RFXAP: variants seen among roughly 807,000 people sequenced by gnomAD.
The protein encoded by RFXAP is regulatory factor X-associated protein.
A neutral mutation model predicts 25.7 loss-of-function variants in RFXAP; 21 were observed. That is an observed-to-expected ratio of 0.82 (90% CI 0.58 to 1.18). RFXAP has a LOEUF of 1.18. Ranked by LOEUF, RFXAP falls within the 50% of genes most tolerant of loss-of-function variation. The probability of loss-of-function intolerance (pLI) is 0.00; values close to 1 mark genes in which losing one functional copy is unlikely to be tolerated. For synonymous variants in RFXAP, 161 were observed against 152.2 expected (o/e 1.06, Z -0.43); for missense variants, 333 against 363.0 (o/e 0.92, Z 0.67).
intron 1 of RFXAP, among the ~76,000 whole-genome samples, chr13:36,821,089 A>T (rs1008407708): frequency 6.6e-6 from 1 of 151,830 alleles, no homozygotes; most frequent in Non-Finnish European, 1.5e-5. Context: ...AAGTGCCTGT[A>T]TACCCAGCTG....
chr13:36,822,121 C>T (rs1342171315), intron 1 of RFXAP, among the ~76,000 whole-genome samples: 1 of 150,552 alleles, frequency 6.6e-6, no homozygotes, highest in African/African-American at 2.5e-5. Flanking sequence ...CAGAGTCTTA[C>T]TCTGTGTCGC....
At chr13:36,821,998 G>C (rs954193973) in intron 1 of RFXAP, among the ~76,000 whole-genome samples, 1 of 152,154 alleles carries the variant, frequency 6.6e-6, no homozygotes, top group South Asian at 2.1e-4. Context: ...ATGAAAGTTA[G>C]TAAAGGTGAT....
intron 1 of RFXAP, among the ~76,000 whole-genome samples, chr13:36,821,233 AAAAAAAAAAT>A (rs2057961122): frequency 6.8e-6 from 1 of 148,012 alleles, no homozygotes; most frequent in East Asian, 2.3e-4. Context: ...AAAAAAAAAA[AAAAAAAAAAT>A]TTTTTTTAAC....
intron 2 of RFXAP, 52 bp from the exon 3 acceptor site, chr13:36,827,591 G>A (rs1028236523): frequency 3.4e-5 from 43 of 1,263,544 alleles, no homozygotes; most frequent in Non-Finnish European, 4.6e-5. Context: ...CATGAAAACA[G>A]TCTAATGACA....
rs2057953638 is a variant in RFXAP, at chr13:36,819,420, C to G, written c.63C>G (p.Pro21=). The G allele has an allele frequency of 7.4e-7, 1 of 1,344,678 alleles. No individual in the cohort carries two copies. The highest frequency in any genetic ancestry group is 9.5e-7 in the Non-Finnish European group (1 of 1,053,920). 83.3% of individuals were successfully genotyped at this position (1,344,678 alleles called of 1,614,324 possible). Residue 21 remains proline, a synonymous_variant, in exon 1 of 3, where the codon CCC becomes CCG. Transcript: ENST00000255476. ...GCGCCGCCAGCGGCGTGCCCCACCC[C>G]GCGGCCCTAGCCCCGGCTGCGGCTC... ...GPGAASGVPH[P]AALAPAAAPT...
In RFXAP at chr13:36,819,559, G is replaced by C. The variant is rs1167386364; in HGVS notation, c.202G>C (p.Gly68Arg). 6.6e-7 allele frequency: 1 copy of C among 1,525,100 alleles called. No individual in the cohort carries two copies. Among genetic ancestry groups the C allele is most frequent in the Non-Finnish European group, 8.8e-7 (1 of 1,133,922 alleles). The allele number at this position is 1,525,100 out of a possible 1,614,324, so 94.5% of individuals were successfully genotyped here. ...AAAPGGSVGA[G>R]KPVRYLCEGA... The stretch of plus-strand genomic sequence containing the variant: ...GGCCCCCGGGGGCAGCGTTGGGGCG[G>C]GCAAGCCCGTTAGGTACCTGTGCGA... The change falls in exon 1 of 3, where the codon GGC becomes CGC. Residue 68 changes from glycine to arginine, a missense_variant. Gly to Arg is a moderately radical substitution (Grantham distance 125). Coordinates refer to ENST00000255476, the MANE Select transcript of RFXAP (RefSeq NM_000538.4).
intron 1 of RFXAP, among the ~76,000 whole-genome samples, chr13:36,822,018 T>G (rs1262022066): frequency 4.6e-5 from 7 of 152,176 alleles, no homozygotes; most frequent in Non-Finnish European, 7.4e-5. Flanking sequence ...TCAAGTTTCT[T>G]CCTCAGTATG....
intron 2 of RFXAP, 100 bp downstream of exon 2, chr13:36,825,635 C>T: frequency 1.4e-6 from 1 of 721,460 alleles, no homozygotes; most frequent in Non-Finnish European, 2.3e-6. Flanking sequence ...TGACATCACA[C>T]TATACATCAA....
chr13:36,825,290 CT>C, intron 1 of RFXAP, 137 bp from the exon 2 acceptor site: 1 of 650,894 alleles, frequency 1.5e-6, no homozygotes, highest in East Asian at 2.9e-5. Context: ...TAATGAAGAA[CT>C]TTCCCAGAGT....
chr13:36,826,963 C>T (rs573730529), intron 2 of RFXAP, among the ~76,000 whole-genome samples: 1 of 152,126 alleles, frequency 6.6e-6, no homozygotes, highest in South Asian at 2.1e-4. Context: ...TGCACTCCAG[C>T]GTGGGGAACA....
rs1566318848 is a variant in RFXAP at position 36,819,627 on chromosome 13, G to T, written c.270G>T (p.Ala90=). The T allele has an allele frequency of 1.3e-6, 2 of 1,543,426 alleles. No individual in the cohort carries two copies. Among genetic ancestry groups the T allele is most frequent in the Non-Finnish European group, 8.8e-7 (1 of 1,141,416 alleles). ...DGEEEAGEDE[A]DLLDTSDPPG... is the part of the protein sequence containing the mutation. ...AAGAGGAGGCTGGGGAGGACGAGGC[G>T]GACCTGTTAGACACTTCGGACCCTC... The change falls in exon 1 of 3, where the codon GCG becomes GCT. Residue 90 remains alanine, a synonymous_variant. Coordinates refer to ENST00000255476, the MANE Select transcript of RFXAP (RefSeq NM_000538.4).
In RFXAP at chr13:36,819,917, GGACTGCCTC is replaced by G. The variant is rs2057956556; in HGVS notation, c.566_574del (p.Ala189_Thr191del). ...AGCGACCAGGCCCTGAACTGCGGTGGGACTGCCTCGACTGGCAGCGCGGGAAACGTCAAA... is the reference window on the plus strand; with the variant it reads ...AGCGACCAGGCCCTGAACTGCGGTGGGACTGGCAGCGCGGGAAACGTCAAA... On this transcript the variant is annotated inframe_deletion, in exon 1 of 3. Transcript: ENST00000255476. The G allele has an allele frequency of 6.2e-7, 1 of 1,613,712 alleles. No individual in the cohort carries two copies. The highest frequency in any genetic ancestry group is 1.3e-5 in the African/African-American group (1 of 74,914).
intron 2 of RFXAP, 90 bp from the exon 3 acceptor site, chr13:36,827,553 A>T: frequency 1.1e-6 from 1 of 909,952 alleles, no homozygotes; most frequent in Non-Finnish European, 1.8e-6. Context: ...ATATTGTATC[A>T]TATGTAGGGA....
intron 1 of RFXAP, among the ~76,000 whole-genome samples, chr13:36,821,462 A>G (rs1354129680): frequency 6.6e-6 from 1 of 151,880 alleles, no homozygotes; most frequent in Non-Finnish European, 1.5e-5. Flanking sequence ...GAAGTTTGAG[A>G]CCAGCCTGGG....
chr13:36,821,862 A>T (rs2057963841), intron 1 of RFXAP, among the ~76,000 whole-genome samples: 1 of 152,110 alleles, frequency 6.6e-6, no homozygotes, highest in Non-Finnish European at 1.5e-5. Flanking sequence ...TTAATTTTGC[A>T]TACTAATTAA....
chr13:36,819,371 G>A lies in RFXAP; in HGVS notation c.14G>A (p.Gly5Asp). The part of the protein sequence containing the change: MEAQ[G>D]VAEGAGPGAA... ...GGTCTTAGCAGCATGGAGGCGCAGG[G>A]TGTAGCGGAGGGCGCGGGGCCGGGC... The change falls in exon 1 of 3, where the codon GGT becomes GAT. Residue 5 changes from glycine (G) to aspartate (D), a missense_variant. Coordinates refer to ENST00000255476, the MANE Select transcript of RFXAP (RefSeq NM_000538.4). 1 of 1,295,250 alleles carries A rather than the reference G, an allele frequency of 7.7e-7. No homozygotes were observed. The highest frequency in any genetic ancestry group is 9.8e-7 in the Non-Finnish European group (1 of 1,024,898). The allele number at this position is 1,295,250 out of a possible 1,614,324, so 80.2% of individuals were successfully genotyped here.
At position 36,827,825 on chromosome 13, in the gene RFXAP, A is replaced by G. The variant is rs1286048860; in HGVS notation, c.*72A>G. 4 of 1,152,296 alleles carry G rather than the reference A, an allele frequency of 3.5e-6. No homozygotes were observed. The highest frequency in any genetic ancestry group is 5.2e-6 in the Non-Finnish European group (4 of 768,258). 71.4% of individuals were successfully genotyped at this position (1,152,296 alleles called of 1,614,324 possible). On this transcript the variant is annotated 3_prime_UTR_variant, in exon 3 of 3. Transcript: ENST00000255476. ...AGATGAGCATATTTTTTTACCAGAC[A>G]TAAATGGGGTAATAATCTATGCCTG...
Position 36,828,137 on chromosome 13 carries a change from GA to G in RFXAP, c.*385del, listed in dbSNP as rs370063029. On this transcript the variant is annotated 3_prime_UTR_variant, in exon 3 of 3. Coordinates refer to ENST00000255476, the MANE Select transcript of RFXAP (RefSeq NM_000538.4). ...CAAGGGTCAATTTGATTGTCATAGT[GA>G]CCTTGAAAACCACTGGCTTTTAGTG... The G allele has an allele frequency of 4.1e-4, 86 of 209,272 alleles. No individual in the cohort carries two copies. In the East Asian group the frequency reaches 8.2e-3, roughly 20 times the overall value. 13.0% of individuals were successfully genotyped at this position (209,272 alleles called of 1,614,324 possible).
chr13:36,821,148 G>A (rs755362785), intron 1 of RFXAP, among the ~76,000 whole-genome samples: 5 of 149,958 alleles, frequency 3.3e-5, no homozygotes, highest in Admixed American at 2.0e-4. Flanking sequence ...GGGGTTCGAG[G>A]CTGCCGTGAG....
Sources: allele counts gnomAD v4.1 joint callset (sites outside exome capture counted in the v4.1 genomes callset), GRCh38; gene constraint gnomAD v4.1.1; transcripts MANE v1.5; gene names NCBI Gene and HGNC (gene_info 2026-07-23, HGNC 2026-07-21).